Variants in CRK observed in about 807,000 individuals in gnomAD.
The protein encoded by CRK is adapter molecule crk.
A neutral mutation model predicts 29.8 loss-of-function variants in CRK; 4 were observed. The observed-to-expected ratio is 0.13, with a 90% CI of 0.07 to 0.31. The LOEUF (loss-of-function observed/expected upper bound fraction) is 0.31. CRK is among the 10% of genes least tolerant of loss of function. CRK has a pLI of 1.00. For missense variants in CRK, 274 were observed against 396.5 expected (o/e 0.69, Z 2.62); for synonymous variants, 153 against 164.9 (o/e 0.93, Z 0.55).
intron 1 of CRK, among the ~76,000 whole-genome samples, chr17:1,438,583 C>G (rs149997918): frequency 3.6e-4 from 55 of 151,554 alleles, no homozygotes; most frequent in African/African-American, 1.3e-3. Context: ...CTAGACTGTT[C>G]GCTATGAAGC....
chr17:1,423,562 GTGA>G lies in CRK; in HGVS notation c.863_865del (p.Phe288_Thr289delinsSer). 3 of 1,614,086 alleles carry G rather than the reference GTGA, an allele frequency of 1.9e-6. No homozygotes were observed. Among genetic ancestry groups the G allele is most frequent in the Non-Finnish European group, 2.5e-6 (3 of 1,180,032 alleles). ...CTGTTGATCCAGCAGACGGACATGT[GTGA>G]ATGGGAAGTGACCTCGTTTGCCATT... On this transcript the variant is annotated inframe_deletion, in exon 3 of 3. Transcript: ENST00000300574.
chr17:1,453,639 G>A (rs1046971973), intron 1 of CRK, among the ~76,000 whole-genome samples: 8 of 152,200 alleles, frequency 5.3e-5, no homozygotes, highest in South Asian at 2.1e-4. Flanking sequence ...GGGTGTGGTG[G>A]CTCACGCCTG....
At chr17:1,434,019 T>C (rs2073868233) in intron 2 of CRK, among the ~76,000 whole-genome samples, 1 of 152,044 alleles carries the variant, frequency 6.6e-6, no homozygotes, top group East Asian at 1.9e-4. Context: ...CCTGTTGTTT[T>C]TGCAGCTTTA....
rs188747445 is a variant in CRK, at chr17:1,452,318, T to G, written c.241+3559A>C. On this transcript the variant is annotated intron_variant, in intron 1 of 2. Transcript: ENST00000300574. Reference sequence around the variant, plus strand: ...AAGTGAAATAAGGTACATAAAGTACTCAAAGTACCTGGCACAGAATAACCA... The same window carrying G: ...AAGTGAAATAAGGTACATAAAGTACGCAAAGTACCTGGCACAGAATAACCA... Among the ~76,000 whole-genome samples the G allele has an allele frequency of 3.9e-3, 592 of 152,298 alleles. 13 individuals carry two copies. Among genetic ancestry groups the G allele is most frequent in the Non-Finnish European group, 1.1e-3 (74 of 68,040 alleles).
At chr17:1,433,268 T>C (rs2073860462) in intron 2 of CRK, among the ~76,000 whole-genome samples, 1 of 152,088 alleles carries the variant, frequency 6.6e-6, no homozygotes, top group Non-Finnish European at 1.5e-5. Context: ...GGTGACTGCT[T>C]TTCTAGGTCC....
At chr17:1,446,569 C>G (rs2073976137) in intron 1 of CRK, among the ~76,000 whole-genome samples, 1 of 148,960 alleles carries the variant, frequency 6.7e-6, no homozygotes, top group Non-Finnish European at 1.5e-5. Flanking sequence ...GCCACAATAG[C>G]GTGAACTGGG....
chr17:1,428,845 TTCTC>T (rs891502391), intron 2 of CRK, among the ~76,000 whole-genome samples: 48 of 147,232 alleles, frequency 3.3e-4, no homozygotes, highest in South Asian at 1.3e-3. Flanking sequence ...AATGTACAGA[TTCTC>T]TCTCTTTTTT....
At chr17:1,431,656 T>C (rs912658091) in intron 2 of CRK, among the ~76,000 whole-genome samples, 1 of 152,132 alleles carries the variant, frequency 6.6e-6, no homozygotes, top group African/African-American at 2.4e-5. Context: ...AGCGCAATCA[T>C]AGCTCACTCC....
At chr17:1,423,778 C>T in intron 2 of CRK, 128 bp from the exon 3 acceptor site, 1 of 1,164,572 alleles carries the variant, frequency 8.6e-7, no homozygotes, top group South Asian at 1.6e-5. Context: ...TGGCCATTTG[C>T]TGCCTCCCCA....
At chr17:1,455,855 C>T in intron 1 of CRK, 22 bp downstream of exon 1, 2 of 1,531,530 alleles carry the variant, frequency 1.3e-6, no homozygotes, top group Non-Finnish European at 1.8e-6. Context: ...GCCCAGGGCC[C>T]GCCGTCCCGT....
At chr17:1,431,888 G>A (rs2073847860) in intron 2 of CRK, among the ~76,000 whole-genome samples, 1 of 152,168 alleles carries the variant, frequency 6.6e-6, no homozygotes, top group South Asian at 2.1e-4. Flanking sequence ...AGTGAATGTA[G>A]TAATAACAGT....
intron 1 of CRK, among the ~76,000 whole-genome samples, chr17:1,446,874 T>C (rs546166715): frequency 1.3e-5 from 2 of 152,092 alleles, no homozygotes; most frequent in East Asian, 3.9e-4. Context: ...ATTACAGGCG[T>C]GAGCCACCAC....
intron 2 of CRK, among the ~76,000 whole-genome samples, chr17:1,433,575 A>G (rs1005164773): frequency 5.6e-5 from 7 of 124,966 alleles, no homozygotes; most frequent in Non-Finnish European, 9.3e-5. Context: ...CTGAAGTGCT[A>G]TGGCACGATC....
intron 1 of CRK, among the ~76,000 whole-genome samples, chr17:1,437,617 C>T (rs1304274804): frequency 6.6e-6 from 1 of 151,826 alleles, no homozygotes; most frequent in Admixed American, 6.6e-5. Context: ...CTGTCGCTAC[C>T]CCATTTACAG....
chr17:1,436,576 C>T (rs1237467144), intron 2 of CRK, 44 bp downstream of exon 2: 2 of 1,547,214 alleles, frequency 1.3e-6, no homozygotes, highest in Non-Finnish European at 1.7e-6. Flanking sequence ...CGAGAGGAGA[C>T]CCTGCAGCAG....
chr17:1,456,133 T>A lies in CRK; in HGVS notation c.-16A>T. ...TGCCCGCCATGGCTGCCTCCGCGCC[T>A]AAACGCTGGGGTGCCGCCGCCGCGC... On this transcript the variant is annotated 5_prime_UTR_variant, in exon 1 of 3. Transcript: ENST00000300574. The A allele has an allele frequency of 6.6e-7, 1 of 1,510,978 alleles. No individual in the cohort carries two copies. The highest frequency in any genetic ancestry group is 8.8e-7 in the Non-Finnish European group (1 of 1,131,504). 93.6% of individuals were successfully genotyped at this position (1,510,978 alleles called of 1,614,324 possible). A position where few individuals can be genotyped will look rare whatever the true frequency, so the allele number is the denominator to read the frequency against.
rs745921349 is a variant in CRK at position 1,436,925 on chromosome 17, T to C, written c.472A>G (p.Ile158Val). ...EEDLPFKKGD[I>V]LRIRDKPEEQ... ...TCAGGCTTGTCCCGGATTCTCAAGA[T>C]GTCTCCTTTCTTAAAGGGAAGATCT... The change falls in exon 2 of 3, where the codon ATC (isoleucine) becomes GTC (valine). Residue 158 changes from isoleucine (I) to valine (V), a missense_variant. By Grantham distance (29) the Ile-to-Val change is conservative. Coordinates refer to ENST00000300574, the MANE Select transcript of CRK (RefSeq NM_016823.4). The C allele has an allele frequency of 3.1e-6, 5 of 1,614,214 alleles. No individual in the cohort carries two copies. Among genetic ancestry groups the C allele is most frequent in the Non-Finnish European group, 4.2e-6 (5 of 1,180,026 alleles).
rs1301251656 is a variant in CRK at position 1,437,012 on chromosome 17, G to C, written c.385C>G (p.Leu129Val). 2 of 1,613,992 alleles carry C rather than the reference G, an allele frequency of 1.2e-6. No individual in the cohort carries two copies. Among genetic ancestry groups the C allele is most frequent in the Non-Finnish European group, 1.7e-6 (2 of 1,180,040 alleles). Residue 129 changes from leucine to valine, a missense_variant, in exon 2 of 3, where the codon CTC becomes GTC. Physicochemically the swap from Leu to Val is conservative, Grantham distance 32. Transcript: ENST00000300574. ...ACATACTCCGCCTCCTCCTGCCTGA[G>C]AATCACTCCACTACCCTGCCTGGAT... ...SRSRQGSGVI[L>V]RQEEAEYVRA... is the part of the protein sequence containing the mutation.
chr17:1,452,110 A>G (rs746678981), intron 1 of CRK, among the ~76,000 whole-genome samples: 12 of 152,174 alleles, frequency 7.9e-5, no homozygotes, highest in Non-Finnish European at 1.3e-4. Flanking sequence ...TGGCTTTGAG[A>G]GTGTAGTGTA....
Sources: gnomAD v4.1 joint callset for allele counts (sites outside exome capture counted in the v4.1 genomes callset) on GRCh38, gnomAD v4.1.1 for gene constraint, MANE v1.5 for transcripts, NCBI Gene and HGNC (gene_info 2026-07-23, HGNC 2026-07-21) for gene names.